The following GARRE1 variants were observed in gnomAD, a reference collection of about 807,000 sequenced individuals.
GARRE1 encodes granule associated Rac and RHOG effector 1, also known as granule associated Rac and RHOG effector protein 1.
A neutral mutation model predicts 103.2 loss-of-function variants in GARRE1; 49 were observed. That is an observed-to-expected ratio of 0.47 (90% CI 0.38 to 0.60). The LOEUF is 0.60. GARRE1 is among the 20% of genes least tolerant of loss of function. The pLI, the probability that GARRE1 is intolerant of heterozygous loss-of-function variation, is 0.00. For synonymous variants in GARRE1, 505 were observed against 532.8 expected, an observed-to-expected ratio of 0.95 and a Z score of 0.72; for missense variants, 1,199 against 1,370.5, an observed-to-expected ratio of 0.87 and a Z score of 1.98.
chr19:34,297,349 ATAACTT>A (rs572911979), intron 1 of GARRE1, among the ~76,000 whole-genome samples: 33 of 152,328 alleles, frequency 2.2e-4, no homozygotes, highest in South Asian at 4.1e-4. Flanking sequence ...GTGAAATAGT[ATAACTT>A]TAAGCATTAT....
chr19:34,259,569 C>G (rs915133424), intron 1 of GARRE1, among the ~76,000 whole-genome samples: 2 of 152,172 alleles, frequency 1.3e-5, no homozygotes, highest in South Asian at 4.1e-4. Context: ...ACCAAGTAAC[C>G]TCTCCCAGGT....
At chr19:34,332,858 C>T (rs1766095754) in intron 7 of GARRE1, among the ~76,000 whole-genome samples, 1 of 151,792 alleles carries the variant, frequency 6.6e-6, no homozygotes, top group African/African-American at 2.4e-5. Flanking sequence ...ACTCTTATCA[C>T]CTATCTAGTA....
chr19:34,296,426 C>T (rs2073947941), intron 1 of GARRE1: 2 of 1,584,262 alleles, frequency 1.3e-6, no homozygotes, highest in Non-Finnish European at 1.7e-6. Context: ...CACGAGCACA[C>T]TTCCCAAGCT....
chr19:34,264,951 T>C (rs2073742838), intron 1 of GARRE1, among the ~76,000 whole-genome samples: 1 of 152,188 alleles, frequency 6.6e-6, no homozygotes, highest in African/African-American at 2.4e-5. Flanking sequence ...GATTCGTGCC[T>C]AGATAGAATA....
At chr19:34,349,512 C>G (rs761623705) in intron 12 of GARRE1, among the ~76,000 whole-genome samples, 3 of 152,226 alleles carry the variant, frequency 2.0e-5, no homozygotes, top group African/African-American at 4.8e-5. Flanking sequence ...CTCAATTACC[C>G]TCCATCTCTT....
intron 1 of GARRE1, among the ~76,000 whole-genome samples, chr19:34,280,388 A>T (rs992062521): frequency 6.6e-5 from 10 of 152,172 alleles, no homozygotes; most frequent in African/African-American, 2.4e-4. Context: ...GCAAAAGTCT[A>T]TTCAAGTCCT....
intron 10 of GARRE1, 144 bp downstream of exon 10, chr19:34,342,599 A>C (rs2074192131): frequency 2.8e-6 from 2 of 715,582 alleles, no homozygotes; most frequent in Middle Eastern, 4.0e-4. Context: ...TGTGGAGGCA[A>C]GTATGGGGCA....
chr19:34,300,456 G>A lies in GARRE1; in HGVS notation c.-18G>A. 5 of 1,531,380 alleles carry A rather than the reference G, an allele frequency of 3.3e-6. No homozygotes were observed. Among genetic ancestry groups the A allele is most frequent in the South Asian group, 1.3e-5 (1 of 79,164 alleles). The allele number at this position is 1,531,380 out of a possible 1,614,324, so 94.9% of individuals were successfully genotyped here. Reference sequence around the variant, plus strand: ...ACCCTGACCCACTTACGGTTGCTGGGACAATTCCCCCTCCCGCATGTATTG... The same window carrying A: ...ACCCTGACCCACTTACGGTTGCTGGAACAATTCCCCCTCCCGCATGTATTG... On this transcript the variant is annotated 5_prime_UTR_variant, in exon 2 of 14. Coordinates refer to ENST00000299505, the MANE Select transcript of GARRE1 (RefSeq NM_014686.5).
intron 1 of GARRE1, among the ~76,000 whole-genome samples, chr19:34,262,287 CTTTTT>C (rs1018456778): frequency 5.9e-4 from 21 of 35,758 alleles, no homozygotes; most frequent in Admixed American, 9.5e-4. Context: ...CCAGCTGCTG[CTTTTT>C]TTTTTTTTTT....
At chr19:34,298,003 A>T (rs926777076) in intron 1 of GARRE1, among the ~76,000 whole-genome samples, 1 of 152,222 alleles carries the variant, frequency 6.6e-6, no homozygotes, top group Non-Finnish European at 1.5e-5. Flanking sequence ...CAAAGGAATT[A>T]TGGTAATTGG....
At chr19:34,323,777 C>T (rs1339373963) in intron 3 of GARRE1, among the ~76,000 whole-genome samples, 1 of 152,202 alleles carries the variant, frequency 6.6e-6, no homozygotes, top group East Asian at 1.9e-4. Context: ...ACAACTCATG[C>T]TGAGGACCAG....
At chr19:34,258,721 C>T (rs546396175) in intron 1 of GARRE1, among the ~76,000 whole-genome samples, 14 of 151,732 alleles carry the variant, frequency 9.2e-5, no homozygotes, top group East Asian at 5.8e-4. Flanking sequence ...ACCTGGGAGG[C>T]GGAGCTTGCA....
chr19:34,332,247 C>CTAT (rs1307319517), intron 7 of GARRE1, among the ~76,000 whole-genome samples: 3 of 151,980 alleles, frequency 2.0e-5, no homozygotes, highest in African/African-American at 4.8e-5. Context: ...ATCTTTTCCT[C>CTAT]AGTATAGGGA....
chr19:34,352,696 C>A lies in GARRE1; in HGVS notation c.2954C>A (p.Ser985Tyr), dbSNP rs761552200. ...CCCAAAGCACCCTGGCAGCACCCTT[C>A]CCCGCTTCCCAGCACGCTGCCCAGC... ...WPPKAPWQHP[S>Y]PLPSTLPSPS... Residue 985 changes from serine to tyrosine, a missense_variant, in exon 14 of 14, where the codon TCC becomes TAC. Coordinates refer to ENST00000299505, the MANE Select transcript of GARRE1 (RefSeq NM_014686.5). 2 of 1,613,776 alleles carry A rather than the reference C, an allele frequency of 1.2e-6. No individual in the cohort carries two copies. Among genetic ancestry groups the A allele is most frequent in the East Asian group, 2.2e-5 (1 of 44,862 alleles).
chr19:34,348,933 G>C, intron 11 of GARRE1, 83 bp from the exon 12 acceptor site: 1 of 1,527,880 alleles, frequency 6.5e-7, no homozygotes, highest in African/African-American at 1.4e-5. Flanking sequence ...ATGAATGCAG[G>C]GTAAGGACTG....
At chr19:34,317,729 C>T (rs997012339) in intron 2 of GARRE1, among the ~76,000 whole-genome samples, 13 of 152,170 alleles carry the variant, frequency 8.5e-5, no homozygotes, top group African/African-American at 2.7e-4. Context: ...CCTTTCTATG[C>T]CTTGATCTTG....
At chr19:34,339,558 T>G (rs781734694) in intron 8 of GARRE1, among the ~76,000 whole-genome samples, 1 of 152,198 alleles carries the variant, frequency 6.6e-6, no homozygotes, top group Non-Finnish European at 1.5e-5. Flanking sequence ...GCAAGTCATC[T>G]TATTAGAACA....
At chr19:34,295,645 T>G (rs2073943258) in intron 1 of GARRE1, among the ~76,000 whole-genome samples, 1 of 152,168 alleles carries the variant, frequency 6.6e-6, no homozygotes, top group Non-Finnish European at 1.5e-5. Flanking sequence ...TACTGCTCCC[T>G]CAGCCTCCCA....
chr19:34,280,629 CTCAG>C (rs2073845999), intron 1 of GARRE1, among the ~76,000 whole-genome samples: 2 of 152,206 alleles, frequency 1.3e-5, no homozygotes, highest in South Asian at 2.1e-4. Flanking sequence ...TAAGTCTGAA[CTCAG>C]TAATTTTTAT....
Sources: allele counts gnomAD v4.1 joint callset (sites outside exome capture counted in the v4.1 genomes callset), GRCh38; gene constraint gnomAD v4.1.1; transcripts MANE v1.5; gene names NCBI Gene and HGNC (gene_info 2026-07-23, HGNC 2026-07-21).